Variants in TTC39C observed in about 807,000 individuals in gnomAD.
TTC39C encodes tetratricopeptide repeat protein 39C.
In TTC39C, 33 loss-of-function variants were observed where a neutral mutation model predicts 76.3. The ratio of observed to expected loss-of-function variants is 0.43; its 90% CI spans 0.33 to 0.58. The LOEUF is 0.58. Among genes scored for constraint, TTC39C ranks in the 20% least tolerant of loss-of-function variants. TTC39C has a pLI of 0.04. For synonymous variants in TTC39C, 254 were observed against 260.6 expected (o/e 0.97, Z 0.24); for missense variants, 595 against 701.4 (o/e 0.85, Z 1.71).
At chr18:24,116,404 G>A (rs908293637) in intron 7 of TTC39C, among the ~76,000 whole-genome samples, 6 of 152,236 alleles carry the variant, frequency 3.9e-5, no homozygotes, top group South Asian at 4.2e-4. Flanking sequence ...TTAGCCAGGC[G>A]TGGTAGTGGG....
intron 6 of TTC39C, among the ~76,000 whole-genome samples, chr18:24,110,090 A>G (rs148085096): frequency 1.3e-5 from 2 of 152,322 alleles, no homozygotes; most frequent in South Asian, 2.1e-4. Context: ...ATTATGACCT[A>G]GTAGGACTTA....
intron 4 of TTC39C, among the ~76,000 whole-genome samples, chr18:24,073,809 C>G (rs2084270782): frequency 6.6e-6 from 1 of 152,236 alleles, no homozygotes. Context: ...TGTGAGCCAC[C>G]ATGCCCAGCC....
At chr18:24,062,976 A>G (rs544391519) in intron 1 of TTC39C, among the ~76,000 whole-genome samples, 3 of 152,332 alleles carry the variant, frequency 2.0e-5, no homozygotes, top group South Asian at 2.1e-4. Flanking sequence ...CCGTAGACCC[A>G]CACATACTCT....
chr18:24,042,403 C>G (rs113949816), intron 1 of TTC39C, among the ~76,000 whole-genome samples: 3 of 152,104 alleles, frequency 2.0e-5, no homozygotes, highest in Non-Finnish European at 2.9e-5. Flanking sequence ...CTAGACCCCC[C>G]ACGTGCACAG....
intron 1 of TTC39C, among the ~76,000 whole-genome samples, chr18:24,055,354 G>A (rs777887016): frequency 6.6e-6 from 1 of 152,064 alleles, no homozygotes; most frequent in African/African-American, 2.4e-5. Flanking sequence ...TCCCACCAAC[G>A]GTATGCAAAG....
In TTC39C at chr18:24,015,046, A is replaced by C. The variant is rs1037598406; in HGVS notation, c.167+8A>C. The stretch of plus-strand genomic sequence containing the variant: ...GCTTTTCAAACAATACAGGTGACCC[A>C]CGCGTCCCCGATTCCCCAACCCTGC... On this transcript the variant is annotated splice_region_variant and intron_variant, in intron 1 of 13. Transcript: ENST00000317571. The C allele has an allele frequency of 2.1e-6, 3 of 1,426,924 alleles. No homozygotes were observed. The highest frequency in any genetic ancestry group is 2.8e-6 in the Non-Finnish European group (3 of 1,082,496). 88.4% of individuals were successfully genotyped at this position (1,426,924 alleles called of 1,614,324 possible).
chr18:24,022,738 T>TCCTGG, intron 1 of TTC39C: 1 of 985,382 alleles, frequency 1.0e-6, no homozygotes, highest in Non-Finnish European at 1.2e-6. Context: ...AAGCCCAGCC[T>TCCTGG]CCTGGCCTGG....
chr18:23,994,774 A>C (rs1025727001), intron 1 of TTC39C, among the ~76,000 whole-genome samples: 1 of 152,186 alleles, frequency 6.6e-6, no homozygotes, highest in Non-Finnish European at 1.5e-5. Context: ...GAACTGCCTT[A>C]TAATAAACTG....
At chr18:24,043,084 A>G (rs191422337) in intron 1 of TTC39C, among the ~76,000 whole-genome samples, 8 of 152,362 alleles carry the variant, frequency 5.3e-5, no homozygotes, top group Admixed American at 3.3e-4. Context: ...TATAATATAC[A>G]TATATGAAAG....
intron 6 of TTC39C, among the ~76,000 whole-genome samples, chr18:24,084,167 T>C (rs892097504): frequency 3.9e-5 from 6 of 152,160 alleles, no homozygotes; most frequent in African/African-American, 1.4e-4. Context: ...AGATGTGTTT[T>C]AGAGATTATA....
chr18:23,994,536 C>T (rs1261652839), intron 1 of TTC39C: 1 of 152,138 alleles, frequency 6.6e-6, no homozygotes, highest in Admixed American at 6.6e-5. Flanking sequence ...ATGTGCTTCC[C>T]CCACTCGCCC....
rs1568398783 is a variant in TTC39C, at chr18:23,997,674, GAAAGAAAGAAA to G, written c.-17+4637_-17+4647del. Among the ~76,000 whole-genome samples, 121 of 146,198 alleles carry G rather than the reference GAAAGAAAGAAA, an allele frequency of 8.3e-4. 3 individuals are homozygous for G. Among genetic ancestry groups the G allele is most frequent in the Middle Eastern group, 3.5e-3 (1 of 288 alleles). Reference sequence around the variant, plus strand: ...AAGGAGAAAGAAAGAAAGAAAGAAAGAAAGAAAGAAAGAAAGAAAGAAAGAAAGAAAGAAAG... The same window carrying G: ...AAGGAGAAAGAAAGAAAGAAAGAAAGGAAAGAAAGAAAGAAAGAAAGAAAG... On this transcript the variant is annotated intron_variant, in intron 1 of 13. Transcript: ENST00000304621.
chr18:24,092,720 TG>T (rs1779896113), intron 6 of TTC39C, among the ~76,000 whole-genome samples: 1 of 152,138 alleles, frequency 6.6e-6, no homozygotes, highest in African/African-American at 2.4e-5. Flanking sequence ...TGCTTCAGTG[TG>T]GAGGTAGGTG....
chr18:24,115,612 G>A (rs969457242), intron 7 of TTC39C, among the ~76,000 whole-genome samples: 7 of 152,214 alleles, frequency 4.6e-5, no homozygotes, highest in Non-Finnish European at 8.8e-5. Flanking sequence ...AGAATGCTCA[G>A]GGAAGCAGTT....
chr18:24,092,123 A>AAAAAAAATAAT (rs1555775346), intron 6 of TTC39C, among the ~76,000 whole-genome samples: 11 of 50,492 alleles, frequency 2.2e-4, no homozygotes, highest in Admixed American at 5.4e-4. Context: ...AAAAAAAAAA[A>AAAAAAAATAAT]AATAATAATA....
intron 1 of TTC39C, among the ~76,000 whole-genome samples, chr18:24,054,736 TTG>T (rs1404999545): frequency 6.6e-6 from 1 of 152,256 alleles, no homozygotes. Flanking sequence ...TTTGTTAAAT[TTG>T]TGGTAAAATA....
intron 6 of TTC39C, among the ~76,000 whole-genome samples, chr18:24,084,983 T>TAGATTTAGATTTCTTCAAGGGC: frequency 6.6e-6 from 1 of 152,148 alleles, no homozygotes; most frequent in South Asian, 2.1e-4. Flanking sequence ...AGTGCTTTCT[T>TAGATTTAGATTTCTTCAAGGGC]AGATTTAGAT....
chr18:24,134,247 T>A lies in TTC39C; in HGVS notation c.*1673T>A, dbSNP rs1484354162. ...AGAGCAAAATTGGTGCCCAAAAATATTGGACATCTGTTTTTTGTTTTTTTT... is the reference window on the plus strand; with the variant it reads ...AGAGCAAAATTGGTGCCCAAAAATAATGGACATCTGTTTTTTGTTTTTTTT... On this transcript the variant is annotated 3_prime_UTR_variant, in exon 14 of 14. Coordinates refer to ENST00000317571, the MANE Select transcript of TTC39C (RefSeq NM_001135993.2). The A allele has an allele frequency of 6.8e-6, 1 of 147,494 alleles. No individual in the cohort carries two copies. Among genetic ancestry groups the A allele is most frequent in the East Asian group, 2.0e-4 (1 of 5,016 alleles). The allele number at this position is 147,494 out of a possible 1,614,324, so 9.1% of individuals were successfully genotyped here. A position where few individuals can be genotyped will look rare whatever the true frequency, so the allele number is the denominator to read the frequency against.
intron 1 of TTC39C, among the ~76,000 whole-genome samples, chr18:24,031,155 G>T (rs901541460): frequency 1.3e-5 from 2 of 149,174 alleles, no homozygotes; most frequent in Admixed American, 1.3e-4. Context: ...CTGGGGTTTC[G>T]CCATGTTGGC....
Sources: gnomAD v4.1 joint callset for allele counts (sites outside exome capture counted in the v4.1 genomes callset) on GRCh38, gnomAD v4.1.1 for gene constraint, MANE v1.5 for transcripts, NCBI Gene and HGNC (gene_info 2026-07-23, HGNC 2026-07-21) for gene names.